HERC1: variants seen among roughly 807,000 people sequenced by gnomAD.
HERC1 encodes HECT and RLD domain containing E3 ubiquitin protein ligase family member 1, also known as probable E3 ubiquitin-protein ligase HERC1.
A neutral mutation model predicts 554.3 loss-of-function variants in HERC1; 160 were observed. That is an observed-to-expected ratio of 0.29 (90% CI 0.25 to 0.33). The LOEUF (loss-of-function observed/expected upper bound fraction) is 0.33. Ranked by LOEUF, HERC1 falls within the 10% of genes least tolerant of loss-of-function variation. The probability of loss-of-function intolerance (pLI) is 1.00; values close to 1 mark genes in which losing one functional copy is unlikely to be tolerated. For missense variants in HERC1, 4,919 were observed against 5,918.5 expected, an observed-to-expected ratio of 0.83 and a Z score of 5.54; for synonymous variants, 2,175 against 2,131.7, an observed-to-expected ratio of 1.02 and a Z score of -0.56.
rs763819851 is a variant in HERC1, at chr15:63,640,353, C to A, written c.11700G>T (p.Leu3900Phe). The A allele has an allele frequency of 1.2e-6, 2 of 1,613,866 alleles. No individual in the cohort carries two copies. Among genetic ancestry groups the A allele is most frequent in the South Asian group, 2.2e-5 (2 of 91,076 alleles). ...LAVGLHLDQL[L>F]CNPPVPPHHQ... ...GGTGTGGTGGCACTGGAGGGTTACACAACAGCTGATCCAGATGAAGTCCCA... is the reference window on the plus strand; with the variant it reads ...GGTGTGGTGGCACTGGAGGGTTACAAAACAGCTGATCCAGATGAAGTCCCA... The change falls in exon 61 of 78, where the codon TTG (leucine) becomes TTT (phenylalanine). Residue 3900 changes from leucine (L) to phenylalanine (F), a missense_variant. Transcript: ENST00000443617.
intron 39 of HERC1, among the ~76,000 whole-genome samples, chr15:63,671,646 A>G (rs1259343733): frequency 1.3e-5 from 2 of 152,148 alleles, no homozygotes; most frequent in Non-Finnish European, 2.9e-5. Flanking sequence ...CTACTGAATC[A>G]GACTTGCTGA....
intron 12 of HERC1, among the ~76,000 whole-genome samples, chr15:63,745,193 G>A (rs1442391052): frequency 1.3e-5 from 2 of 152,262 alleles, no homozygotes; most frequent in South Asian, 2.1e-4. Flanking sequence ...TTGGAGCCAC[G>A]AGCTGTGTAG....
chr15:63,829,497 T>C (rs1311964678), intron 1 of HERC1, among the ~76,000 whole-genome samples: 28 of 55,068 alleles, frequency 5.1e-4, no homozygotes, highest in Non-Finnish European at 8.3e-4. Flanking sequence ...TATATATATA[T>C]ATACACACAC....
In HERC1 at chr15:63,666,339, A is replaced by G; in HGVS notation, c.8323+17T>C. 6.4e-7 allele frequency: 1 copy of G among 1,565,006 alleles called. No homozygotes were observed. The highest frequency in any genetic ancestry group is 8.8e-7 in the Non-Finnish European group (1 of 1,136,032). ...TTCTCATATCTGTATACACTGATAT[A>G]TAAAAACTTATCCTACCTGTAGCTT... On this transcript the variant is annotated intron_variant, in intron 41 of 77. Coordinates refer to ENST00000443617, the MANE Select transcript of HERC1 (RefSeq NM_003922.4).
At chr15:63,722,952 A>G (rs1307396776) in intron 19 of HERC1, among the ~76,000 whole-genome samples, 1 of 152,178 alleles carries the variant, frequency 6.6e-6, no homozygotes, top group East Asian at 1.9e-4. Context: ...AATGTATTAT[A>G]TAAATCTCAA....
chr15:63,762,391 T>G (rs954210147), intron 3 of HERC1, among the ~76,000 whole-genome samples: 1 of 152,192 alleles, frequency 6.6e-6, no homozygotes, highest in Non-Finnish European at 1.5e-5. Flanking sequence ...TGGCATGATC[T>G]CTACTGACTG....
intron 25 of HERC1, among the ~76,000 whole-genome samples, chr15:63,703,780 C>G (rs1408731820): frequency 6.6e-6 from 1 of 151,838 alleles, no homozygotes; most frequent in East Asian, 1.9e-4. Context: ...TGGCATGTGC[C>G]TGCAGTCCCT....
chr15:63,721,745 G>C (rs1371888261), intron 19 of HERC1, among the ~76,000 whole-genome samples: 1 of 152,066 alleles, frequency 6.6e-6, no homozygotes, highest in Non-Finnish European at 1.5e-5. Context: ...CACAGAGAAA[G>C]AAAACTAGAG....
intron 3 of HERC1, among the ~76,000 whole-genome samples, chr15:63,762,247 C>T (rs758078767): frequency 6.6e-6 from 1 of 152,148 alleles, no homozygotes; most frequent in African/African-American, 2.4e-5. Flanking sequence ...AATGAAACAA[C>T]ATGACCTTCA....
At chr15:63,622,930 T>G in intron 73 of HERC1, 39 bp from the exon 74 acceptor site, 1 of 1,311,854 alleles carries the variant, frequency 7.6e-7, no homozygotes, top group African/African-American at 1.5e-5. Context: ...GAAATGACAA[T>G]CAAATGCATG....
At position 63,707,928 on chromosome 15, in the gene HERC1, C is replaced by CAAA. The variant is rs71131176; in HGVS notation, c.4585-1100_4585-1098dup. ...CGGATGACAGAGCAAGACTCCCTCT[C>CAAA]AAAAAAAAAAAAAAAAAAAAAAAAA... On this transcript the variant is annotated intron_variant, in intron 24 of 77. Transcript: ENST00000443617. 5.5e-3 allele frequency among the ~76,000 whole-genome samples: 303 copies of CAAA among 54,960 alleles called. 2 individuals are homozygous for CAAA. Among genetic ancestry groups the CAAA allele is most frequent in the East Asian group, 0.014 (16 of 1,172 alleles). The allele number at this position is 54,960 out of a possible 152,430, so 36.1% of individuals were successfully genotyped here. A position where few individuals can be genotyped will look rare whatever the true frequency, so the allele number is the denominator to read the frequency against.
chr15:63,712,197 C>T lies in HERC1; in HGVS notation c.4584+578G>A, dbSNP rs114589700. On this transcript the variant is annotated intron_variant, in intron 24 of 77. Transcript: ENST00000443617. The stretch of plus-strand genomic sequence containing the variant: ...AGTCTTGTGAAATGTGGAAGGTGGG[C>T]ACAAGGCAAGAGGTGAGGCAACCAG... Among the ~76,000 whole-genome samples the T allele has an allele frequency of 9.0e-3, 1,373 of 152,206 alleles. 26 individuals are homozygous for T. The highest frequency in any genetic ancestry group is 0.032 in the African/African-American group (1,323 of 41,516).
chr15:63,727,005 C>T lies in HERC1; in HGVS notation c.3346+642G>A, dbSNP rs1006520236. On this transcript the variant is annotated intron_variant, in intron 17 of 77. Coordinates refer to ENST00000443617, the MANE Select transcript of HERC1 (RefSeq NM_003922.4). The surrounding 1 kb of genome is among the most constrained non-coding windows in gnomAD (Gnocchi z 4.3). Reference sequence around the variant, plus strand: ...TAGAAAAGAATAAACTGGCCAGGGGCGGTGGCTCCCGTCTGTAATCCCAGC... The same window carrying T: ...TAGAAAAGAATAAACTGGCCAGGGGTGGTGGCTCCCGTCTGTAATCCCAGC... Among the ~76,000 whole-genome samples the T allele has an allele frequency of 4.6e-5, 7 of 151,876 alleles. No homozygotes were observed. Among genetic ancestry groups the T allele is most frequent in the Non-Finnish European group, 1.0e-4 (7 of 67,980 alleles).
rs367865079 is a variant in HERC1 at position 63,754,522 on chromosome 15, A to C, written c.1757T>G (p.Phe586Cys). The C allele has an allele frequency of 5.6e-6, 9 of 1,603,818 alleles. No individual in the cohort carries two copies. In the African/African-American group the frequency reaches 1.2e-4, roughly 21 times the overall value. ...LSKDGRTVWS[F>C]GGGDNGKLGH... ...TTACATACCATTGTCTCCTCCTCCAAAAGACCATACAGTTCTCCCATCTTT... is the reference window on the plus strand; with the variant it reads ...TTACATACCATTGTCTCCTCCTCCACAAGACCATACAGTTCTCCCATCTTT... Residue 586 changes from phenylalanine (F) to cysteine (C), a missense_variant, in exon 7 of 78, where the codon TTT becomes TGT. Phe to Cys is a radical substitution (Grantham distance 205). Coordinates refer to ENST00000443617, the MANE Select transcript of HERC1 (RefSeq NM_003922.4).
intron 17 of HERC1, among the ~76,000 whole-genome samples, chr15:63,726,761 G>T (rs1438365032): frequency 6.6e-6 from 1 of 152,108 alleles, no homozygotes; most frequent in East Asian, 1.9e-4. Flanking sequence ...CTCAGGAAGA[G>T]ATAACTCGTA....
chr15:63,709,501 T>C (rs2073184349), intron 24 of HERC1, among the ~76,000 whole-genome samples: 1 of 152,182 alleles, frequency 6.6e-6, no homozygotes, highest in South Asian at 2.1e-4. Flanking sequence ...CACAACACAG[T>C]TGAGGCAAGT....
chr15:63,686,956 C>G (rs2071794562), intron 33 of HERC1, among the ~76,000 whole-genome samples: 1 of 152,116 alleles, frequency 6.6e-6, no homozygotes, highest in Admixed American at 6.5e-5. Flanking sequence ...TGTGCCAAGG[C>G]AGACATGCAA....
In HERC1 at chr15:63,832,157, G is replaced by A. The variant is rs80054863; in HGVS notation, c.-27+1670C>T. 1.1e-3 allele frequency among the ~76,000 whole-genome samples: 160 copies of A among 152,242 alleles called. 1 individual carries two copies. Among genetic ancestry groups the A allele is most frequent in the African/African-American group, 3.8e-3 (158 of 41,542 alleles). On this transcript the variant is annotated intron_variant, in intron 1 of 77. Coordinates refer to ENST00000443617, the MANE Select transcript of HERC1 (RefSeq NM_003922.4). ...CCATACAACCTTGTCATGTGATTTG[G>A]GGGAAATATTATGACTGTTCTTTGC...
chr15:63,754,707 T>G, intron 6 of HERC1, 59 bp from the exon 7 acceptor site: 32 of 1,415,998 alleles, frequency 2.3e-5, no homozygotes, highest in African/African-American at 2.9e-5. Flanking sequence ...CTCTAGGCCT[T>G]GACTTCACAA....
Sources: allele counts gnomAD v4.1 joint callset (sites outside exome capture counted in the v4.1 genomes callset), GRCh38; gene constraint gnomAD v4.1.1; non-coding constraint Gnocchi (gnomAD v3.1); transcripts MANE v1.5; gene names NCBI Gene and HGNC (gene_info 2026-07-23, HGNC 2026-07-21).